The following MAP6 variants were observed in gnomAD, a reference collection of about 807,000 sequenced individuals.
The protein encoded by MAP6 is microtubule associated protein 6.
In MAP6, 26 loss-of-function variants were observed where a neutral mutation model predicts 42.4. The observed-to-expected ratio is 0.61, with a 90% CI of 0.45 to 0.85. MAP6 has a LOEUF of 0.85. Ranked by LOEUF, MAP6 falls within the 40% of genes least tolerant of loss-of-function variation. MAP6 has a pLI of 0.00. For missense variants in MAP6, 966 were observed against 1,099.0 expected (o/e 0.88, Z 1.71); for synonymous variants, 418 against 443.8 (o/e 0.94, Z 0.73).
chr11:75,587,515 A>G lies in MAP6; in HGVS notation c.1986T>C (p.Gly662=), dbSNP rs986814920. The G allele has an allele frequency of 6.2e-7, 1 of 1,613,978 alleles. No individual in the cohort carries two copies. Among genetic ancestry groups the G allele is most frequent in the African/African-American group, 1.3e-5 (1 of 74,908 alleles). ...TCTTTACAGGCTCAGAGACCATGGAACCTTGATTCTTTATGGGTGCTGTGG... is the reference window on the plus strand; with the variant it reads ...TCTTTACAGGCTCAGAGACCATGGAGCCTTGATTCTTTATGGGTGCTGTGG... ...AMATAPIKNQ[G]SMVSEPVKNQ... is the part of the protein sequence containing the mutation. The change falls in exon 4 of 4, where the codon GGT becomes GGC. Residue 662 remains glycine, a synonymous_variant. Coordinates refer to ENST00000304771, the MANE Select transcript of MAP6 (RefSeq NM_033063.2).
At chr11:75,597,707 G>T (rs554342151) in intron 3 of MAP6, among the ~76,000 whole-genome samples, 13 of 152,304 alleles carry the variant, frequency 8.5e-5, no homozygotes, top group Middle Eastern at 3.4e-3. Context: ...ATCCAGAGGG[G>T]ATCACTCCAA....
chr11:75,667,581 CG>C lies in MAP6; in HGVS notation c.788del (p.Ala263GlyfsTer35). ...CGGTGGCCTGGACCTGGGCCTGGGCCGCGGGCAGCGGCGTCTGCTCGTGCCC... is the reference window on the plus strand; with the variant it reads ...CGGTGGCCTGGACCTGGGCCTGGGCCCGGGCAGCGGCGTCTGCTCGTGCCC... Reference protein sequence around the residue: ...GLGHEQTPLPAAQAQVQATGP... With the variant: ...GLGHEQTPLPXAQAQVQATGP... On this transcript the variant is annotated frameshift_variant, in exon 1 of 4. Coordinates refer to ENST00000304771, the MANE Select transcript of MAP6 (RefSeq NM_033063.2). LOFTEE classifies it high-confidence loss of function. This position sits in a 1 kb window ranked among gnomAD's most constrained non-coding sequence, Gnocchi z 5.6. 7.1e-7 allele frequency: 1 copy of C among 1,408,620 alleles called. No individual in the cohort carries two copies. The highest frequency in any genetic ancestry group is 9.2e-7 in the Non-Finnish European group (1 of 1,091,444). The allele number at this position is 1,408,620 out of a possible 1,614,324, so 87.3% of individuals were successfully genotyped here. A position where few individuals can be genotyped will look rare whatever the true frequency, so the allele number is the denominator to read the frequency against.
rs2135710968 is a variant in MAP6 at position 75,668,579 on chromosome 11, C to T, written c.-210G>A. 3.7e-6 allele frequency: 2 copies of T among 540,106 alleles called. No individual in the cohort carries two copies. Among genetic ancestry groups the T allele is most frequent in the Non-Finnish European group, 5.5e-6 (2 of 363,926 alleles). 33.5% of individuals were successfully genotyped at this position (540,106 alleles called of 1,614,324 possible). A position where few individuals can be genotyped will look rare whatever the true frequency, so the allele number is the denominator to read the frequency against. On this transcript the variant is annotated 5_prime_UTR_variant, in exon 1 of 4. Transcript: ENST00000304771. ...TCTGTAGAGTCCCTCGATTACCGGT[C>T]GCAAACGCCTTTGGGAGCGCAGTCT...
At chr11:75,652,883 T>C (rs1943672815) in intron 1 of MAP6, among the ~76,000 whole-genome samples, 1 of 151,768 alleles carries the variant, frequency 6.6e-6, no homozygotes, top group Non-Finnish European at 1.5e-5. Context: ...TGAATCCATC[T>C]TTAGAAACCT....
At position 75,589,199 on chromosome 11, in the gene MAP6, G is replaced by A. The variant is rs552212113; in HGVS notation, c.1317-1015C>T. On this transcript the variant is annotated intron_variant, in intron 3 of 3. Coordinates refer to ENST00000304771, the MANE Select transcript of MAP6 (RefSeq NM_033063.2). ...TATTTCCCTATAGCCAAGAGTCCCA[G>A]TCTTTCATCAGAATCCTCAGGCACT... 2.0e-5 allele frequency among the ~76,000 whole-genome samples: 3 copies of A among 152,298 alleles called. No individual in the cohort carries two copies. In the South Asian group the frequency reaches 6.2e-4, roughly 32 times the overall value.
intron 3 of MAP6, chr11:75,604,399 C>G (rs574000528): frequency 1.7e-4 from 164 of 985,444 alleles, no homozygotes; most frequent in Non-Finnish European, 1.9e-4. Flanking sequence ...GAGACCCTCA[C>G]TCTTCACCCC....
At chr11:75,627,448 G>A (rs1003174949) in intron 1 of MAP6, among the ~76,000 whole-genome samples, 2 of 152,234 alleles carry the variant, frequency 1.3e-5, no homozygotes, top group African/African-American at 2.4e-5. Context: ...ACATGTGGCT[G>A]TGCTTGCACG....
intron 1 of MAP6, among the ~76,000 whole-genome samples, chr11:75,645,124 C>G (rs1236087168): frequency 2.6e-5 from 4 of 152,158 alleles, no homozygotes. Context: ...TGAGTCAGAG[C>G]AGTAAACGTG....
At chr11:75,629,243 A>G (rs976160054) in intron 1 of MAP6, among the ~76,000 whole-genome samples, 5 of 152,078 alleles carry the variant, frequency 3.3e-5, no homozygotes, top group Non-Finnish European at 7.4e-5. Flanking sequence ...ATGTGCCACA[A>G]TGCCTGGCTA....
Position 75,608,309 on chromosome 11 carries a change from C to T in MAP6, c.919G>A (p.Ala307Thr). 1 of 1,614,048 alleles carries T rather than the reference C, an allele frequency of 6.2e-7. No individual in the cohort carries two copies. The stretch of plus-strand genomic sequence containing the variant: ...TTCACAGGCTTGATGTCCGTCCATG[C>T]CCTGAATTCATTCCTGTTAGTCAAA... ...VSSSYRNEFR[A>T]WTDIKPVKPI... The change falls in exon 2 of 4, where the codon GCA becomes ACA. Residue 307 changes from alanine to threonine, a missense_variant. Coordinates refer to ENST00000304771, the MANE Select transcript of MAP6 (RefSeq NM_033063.2).
intron 1 of MAP6, among the ~76,000 whole-genome samples, chr11:75,629,386 C>A (rs1306291681): frequency 6.6e-6 from 1 of 152,124 alleles, no homozygotes; most frequent in Non-Finnish European, 1.5e-5. Flanking sequence ...CCACCCCCTG[C>A]CAAGCCTGGG....
intron 3 of MAP6, 166 bp downstream of exon 3, chr11:75,605,642 C>A: frequency 7.1e-7 from 1 of 1,416,678 alleles, no homozygotes; most frequent in African/African-American, 1.4e-5. Flanking sequence ...CAGGATTCTT[C>A]CATCAAAAGA....
In MAP6 at chr11:75,622,236, G is replaced by T. The variant is rs56853461; in HGVS notation, c.906-13914C>A. Among the ~76,000 whole-genome samples the T allele has an allele frequency of 3.4e-3, 517 of 151,544 alleles. 2 individuals are homozygous for T. The highest frequency in any genetic ancestry group is 0.011 in the African/African-American group (475 of 41,332). On this transcript the variant is annotated intron_variant, in intron 1 of 3. Coordinates refer to ENST00000304771, the MANE Select transcript of MAP6 (RefSeq NM_033063.2). ...AATACAATAGGAATAAGTTTTTTTT[G>T]ATTTTTAATTTATTTTTTAATTTAA...
chr11:75,628,324 G>C (rs1943230775), intron 1 of MAP6, among the ~76,000 whole-genome samples: 1 of 152,194 alleles, frequency 6.6e-6, no homozygotes, highest in Non-Finnish European at 1.5e-5. Context: ...CATTTATCAA[G>C]GGACTGTGGT....
At chr11:75,615,406 C>T (rs914997019) in intron 1 of MAP6, among the ~76,000 whole-genome samples, 28 of 152,332 alleles carry the variant, frequency 1.8e-4, no homozygotes, top group Non-Finnish European at 1.2e-4. Context: ...TTACAAAGCC[C>T]ATGGTAGACA....
At chr11:75,648,487 G>T (rs1943597638) in intron 1 of MAP6, among the ~76,000 whole-genome samples, 1 of 151,528 alleles carries the variant, frequency 6.6e-6, no homozygotes, top group Admixed American at 6.6e-5. Context: ...AACAGAGTGA[G>T]ACCCTGTCTA....
intron 3 of MAP6, among the ~76,000 whole-genome samples, chr11:75,592,022 C>T (rs1257021483): frequency 6.6e-6 from 1 of 152,228 alleles, no homozygotes; most frequent in Admixed American, 6.5e-5. Context: ...GTCATTCAAC[C>T]CTCACAGCAG....
intron 1 of MAP6, among the ~76,000 whole-genome samples, chr11:75,629,465 T>A (rs1009875463): frequency 6.6e-6 from 1 of 152,040 alleles, no homozygotes; most frequent in Non-Finnish European, 1.5e-5. Flanking sequence ...GTGCTCAGGG[T>A]GGGAGCTTTT....
chr11:75,587,291 T>G lies in MAP6; in HGVS notation c.2210A>C (p.Asn737Thr). Reference protein sequence around the residue: ...QGPTVLQPPKNQGRIVPEPLK... With the variant: ...QGPTVLQPPKTQGRIVPEPLK... ...AGGTTCAGGGACTATACGACCTTGATTCTTTGGAGGCTGTAGGACTGTGGG... is the reference window on the plus strand; with the variant it reads ...AGGTTCAGGGACTATACGACCTTGAGTCTTTGGAGGCTGTAGGACTGTGGG... The change falls in exon 4 of 4, where the codon AAT becomes ACT. Residue 737 changes from asparagine (N) to threonine (T), a missense_variant. Asn to Thr is a moderately conservative substitution (Grantham distance 65, BLOSUM62 0). Transcript: ENST00000304771. 1 of 1,614,094 alleles carries G rather than the reference T, an allele frequency of 6.2e-7. No homozygotes were observed. Among genetic ancestry groups the G allele is most frequent in the African/African-American group, 1.3e-5 (1 of 75,024 alleles).
Sources: allele counts gnomAD v4.1 joint callset (sites outside exome capture counted in the v4.1 genomes callset), GRCh38; gene constraint gnomAD v4.1.1; non-coding constraint Gnocchi (gnomAD v3.1); transcripts MANE v1.5; gene names NCBI Gene and HGNC (gene_info 2026-07-23, HGNC 2026-07-21).